Variants in TAF4 observed in about 807,000 individuals in gnomAD.
The protein encoded by TAF4 is transcription initiation factor TFIID subunit 4.
A neutral mutation model predicts 90.3 loss-of-function variants in TAF4; 9 were observed. That is an observed-to-expected ratio of 0.10 (90% CI 0.06 to 0.17). The LOEUF (loss-of-function observed/expected upper bound fraction) is 0.17, where lower values mean the gene tolerates loss of function less well. Ranked by LOEUF, TAF4 falls within the 10% of genes least tolerant of loss-of-function variation. TAF4 has a pLI of 1.00. For synonymous variants in TAF4, 818 were observed against 638.9 expected, an observed-to-expected ratio of 1.28 and a Z score of -4.23; for missense variants, 1,351 against 1,370.7, an observed-to-expected ratio of 0.99 and a Z score of 0.23.
chr20:62,029,174 C>T (rs1301473381), intron 1 of TAF4, among the ~76,000 whole-genome samples: 13 of 143,206 alleles, frequency 9.1e-5, no homozygotes, highest in African/African-American at 3.4e-4. Flanking sequence ...CTAGCCTGGG[C>T]GACAGAGCGA....
intron 1 of TAF4, among the ~76,000 whole-genome samples, chr20:62,021,962 C>T (rs1280083826): frequency 2.0e-5 from 3 of 152,140 alleles, no homozygotes; most frequent in South Asian, 2.1e-4. Flanking sequence ...CCCGGGAGGG[C>T]GCTCCGAAAC....
intron 14 of TAF4, chr20:61,980,496 C>T (rs1380056335): frequency 6.6e-6 from 1 of 152,328 alleles, no homozygotes; most frequent in African/African-American, 2.4e-5. Flanking sequence ...CCACCTCCGC[C>T]CCGAACGCGT....
chr20:61,995,055 A>C (rs913207420), intron 14 of TAF4, among the ~76,000 whole-genome samples: 1 of 152,216 alleles, frequency 6.6e-6, no homozygotes, highest in Non-Finnish European at 1.5e-5. Context: ...TTACTGACAA[A>C]ATGAAAAACA....
intron 14 of TAF4, among the ~76,000 whole-genome samples, chr20:61,977,423 G>A (rs1343047699): frequency 6.6e-6 from 1 of 152,090 alleles, no homozygotes. Context: ...TTAAGATGCT[G>A]GAAGGAGCGG....
intron 14 of TAF4, among the ~76,000 whole-genome samples, chr20:61,989,710 A>G (rs996679917): frequency 7.0e-6 from 1 of 143,766 alleles, no homozygotes; most frequent in African/African-American, 2.6e-5. Context: ...TGAGTGAGTG[A>G]ATGAGGGATC....
chr20:62,003,812 G>T lies in TAF4; in HGVS notation c.2290C>A (p.Pro764Thr). ...TGAGGCTGCCGCAGGGCGACCATGG[G>T]TGTCTGCGTCAACGTCACCTGCGGG... Reference protein sequence around the residue: ...RPPQVTLTQTPMVALRQPHNR... With the variant: ...RPPQVTLTQTTMVALRQPHNR... The change falls in exon 8 of 15, where the codon CCC becomes ACC. Residue 764 changes from proline (P) to threonine (T), a missense_variant. Coordinates refer to ENST00000252996, the MANE Select transcript of TAF4 (RefSeq NM_003185.4). 6.2e-7 allele frequency: 1 copy of T among 1,608,178 alleles called. No homozygotes were observed.
At chr20:62,009,557 G>T (rs759861734) in intron 4 of TAF4, among the ~76,000 whole-genome samples, 1 of 152,220 alleles carries the variant, frequency 6.6e-6, no homozygotes, top group Non-Finnish European at 1.5e-5. Flanking sequence ...CGAAAAGTAC[G>T]CAGCAAAGAA....
At chr20:62,053,881 G>A (rs2056045395) in intron 1 of TAF4, among the ~76,000 whole-genome samples, 1 of 152,244 alleles carries the variant, frequency 6.6e-6, no homozygotes, top group African/African-American at 2.4e-5. Flanking sequence ...GACCAGGAGT[G>A]CCTCTTGGCC....
chr20:62,007,534 C>T lies in TAF4; in HGVS notation c.1974+13G>A, dbSNP rs1314819586. 4 of 1,613,416 alleles carry T rather than the reference C, an allele frequency of 2.5e-6. No individual in the cohort carries two copies. The highest frequency in any genetic ancestry group is 1.7e-5 in the Admixed American group (1 of 59,948). On this transcript the variant is annotated intron_variant, in intron 6 of 14. Transcript: ENST00000252996. ...GCCCTACTGCTCGCAGGCACCGGGG[C>T]CTTTGAAATTACCTTCAGGAAAGGC... is the stretch of plus-strand genomic sequence containing the variant.
rs2055492679 is a variant in TAF4, at chr20:61,976,069, T to C, written c.*99A>G. The C allele has an allele frequency of 3.1e-6, 4 of 1,305,606 alleles. No individual in the cohort carries two copies. The highest frequency in any genetic ancestry group is 1.5e-5 in the African/African-American group (1 of 68,236). 80.9% of individuals were successfully genotyped at this position (1,305,606 alleles called of 1,614,324 possible). On this transcript the variant is annotated 3_prime_UTR_variant, in exon 15 of 15. Coordinates refer to ENST00000252996, the MANE Select transcript of TAF4 (RefSeq NM_003185.4). ...GAAACAGGAATATAAAACTGTTCCA[T>C]TGTAAAGAGGTGGCTGTTTTTTAAA... is the stretch of plus-strand genomic sequence containing the variant.
At chr20:61,999,195 C>T (rs1568926726) in intron 11 of TAF4, 87 bp from the exon 12 acceptor site, 3 of 1,515,654 alleles carry the variant, frequency 2.0e-6, no homozygotes, top group Non-Finnish European at 2.7e-6. Context: ...ACCATCCGTG[C>T]ACAACGCCCT....
At chr20:62,017,073 G>A (rs1393115613) in intron 1 of TAF4, among the ~76,000 whole-genome samples, 5 of 151,914 alleles carry the variant, frequency 3.3e-5, no homozygotes, top group African/African-American at 1.2e-4. Context: ...TCCAGGAGCT[G>A]GAAGCTGCAG....
chr20:62,008,167 C>A lies in TAF4; in HGVS notation c.1885-531G>T, dbSNP rs1322457506. ...AGTCTACAGTCAGACAAAAGGGAGC[C>A]CAGAGCAAGAGGGCCAGATCCTGTT... is the stretch of plus-strand genomic sequence containing the variant. On this transcript the variant is annotated intron_variant, in intron 5 of 14. Coordinates refer to ENST00000252996, the MANE Select transcript of TAF4 (RefSeq NM_003185.4). 2.0e-5 allele frequency: 3 copies of A among 152,664 alleles called. No individual in the cohort carries two copies. In the East Asian group the frequency reaches 5.8e-4, roughly 29 times the overall value. The allele number at this position is 152,664 out of a possible 1,614,324, so 9.5% of individuals were successfully genotyped here.
At chr20:62,000,862 G>A in intron 9 of TAF4, 141 bp from the exon 10 acceptor site, 1 of 794,274 alleles carries the variant, frequency 1.3e-6, no homozygotes. Context: ...ACCTGCACCT[G>A]CTGCATCTGC....
At chr20:61,997,376 A>T (rs2055669671) in intron 14 of TAF4, among the ~76,000 whole-genome samples, 174 bp downstream of exon 14, 1 of 152,234 alleles carries the variant, frequency 6.6e-6, no homozygotes, top group Admixed American at 6.5e-5. Flanking sequence ...GCCACAAATA[A>T]GCTGATTTGG....
rs2123132531 is a variant in TAF4 at position 62,003,775 on chromosome 20, A to G, written c.2327T>C (p.Met776Thr). 12 of 1,608,600 alleles carry G rather than the reference A, an allele frequency of 7.5e-6. No individual in the cohort carries two copies. The highest frequency in any genetic ancestry group is 1.0e-5 in the Non-Finnish European group (12 of 1,179,540). ...VALRQPHNRI[M>T]LTTPQQIQLN... ...CTGGATCTGCTGAGGCGTGGTGAGC[A>G]TGATCCGGTTGTGAGGCTGCCGCAG... Residue 776 changes from methionine (M) to threonine (T), a missense_variant, in exon 8 of 15, where the codon ATG (methionine) becomes ACG (threonine). Met to Thr is a moderately conservative substitution (Grantham distance 81, BLOSUM62 -1). Transcript: ENST00000252996.
intron 1 of TAF4, among the ~76,000 whole-genome samples, chr20:62,031,666 C>T (rs1243102406): frequency 6.6e-6 from 1 of 152,184 alleles, no homozygotes; most frequent in Non-Finnish European, 1.5e-5. Context: ...TTCTCCCTCT[C>T]CCCTCACTTT....
chr20:62,061,715 G>T (rs1432567391), intron 1 of TAF4, among the ~76,000 whole-genome samples: 2 of 152,184 alleles, frequency 1.3e-5, no homozygotes, highest in Non-Finnish European at 2.9e-5. Flanking sequence ...GCTTTTCCGT[G>T]ATCTTGGGAC....
At chr20:62,003,935 C>T in intron 7 of TAF4, 57 bp from the exon 8 acceptor site, 2 of 1,491,350 alleles carry the variant, frequency 1.3e-6, no homozygotes, top group Non-Finnish European at 8.9e-7. Flanking sequence ...AGGGGCCACT[C>T]AGTCCCTAGC....
Sources: gnomAD v4.1 joint callset for allele counts (sites outside exome capture counted in the v4.1 genomes callset) on GRCh38, gnomAD v4.1.1 for gene constraint, MANE v1.5 for transcripts, NCBI Gene and HGNC (gene_info 2026-07-23, HGNC 2026-07-21) for gene names.